ANTXR1: variants seen among roughly 807,000 people sequenced by gnomAD.
ANTXR1 encodes the protein anthrax toxin receptor 1.
Under a neutral mutation model 78.1 loss-of-function variants are expected in ANTXR1, and 19 were observed. The observed-to-expected ratio is 0.24, with a 90% CI of 0.17 to 0.36. The LOEUF (loss-of-function observed/expected upper bound fraction) is 0.36. Among genes scored for constraint, ANTXR1 ranks in the 10% least tolerant of loss-of-function variants. ANTXR1 has a pLI of 1.00. For synonymous variants in ANTXR1, 273 were observed against 260.5 expected, an observed-to-expected ratio of 1.05 and a Z score of -0.46; for missense variants, 518 against 718.6, an observed-to-expected ratio of 0.72 and a Z score of 3.19.
At chr2:69,145,199 T>G (rs750108939) in intron 12 of ANTXR1, 2 of 910,296 alleles carry the variant, frequency 2.2e-6, no homozygotes, top group Non-Finnish European at 3.4e-6. Context: ...GAGGCAGAGT[T>G]ACGGGGGGCT....
intron 17 of ANTXR1, 40 bp downstream of exon 17, chr2:69,193,455 T>TCA: frequency 2.0e-5 from 25 of 1,270,502 alleles, no homozygotes; most frequent in Middle Eastern, 1.9e-4. Flanking sequence ...TCTCTCTCTC[T>TCA]CTCTCACATA....
At chr2:69,153,956 G>T (rs1673463537) in intron 13 of ANTXR1, among the ~76,000 whole-genome samples, 1 of 152,086 alleles carries the variant, frequency 6.6e-6, no homozygotes, top group Admixed American at 6.5e-5. Flanking sequence ...ATCGTTAGAT[G>T]GTGAAGACTA....
chr2:69,161,865 G>T (rs191966149), intron 13 of ANTXR1, among the ~76,000 whole-genome samples: 2 of 152,110 alleles, frequency 1.3e-5, no homozygotes, highest in Non-Finnish European at 2.9e-5. Context: ...AAAAGGCCAG[G>T]GGGGCAGCAG....
At chr2:69,155,259 T>C (rs1345469649) in intron 13 of ANTXR1, among the ~76,000 whole-genome samples, 2 of 152,222 alleles carry the variant, frequency 1.3e-5, no homozygotes, top group Non-Finnish European at 2.9e-5. Context: ...CTTTAGTGTT[T>C]CCCAGCTTGT....
chr2:69,150,162 C>T lies in ANTXR1; in HGVS notation c.952-2007C>T, dbSNP rs563590507. On this transcript the variant is annotated intron_variant, in intron 12 of 17. Transcript: ENST00000303714. ...AGTAAGAGCTGCCTTTAAACAGCTTCCAGCAGCCCCTGCTGAGCACTCAGA... is the reference window on the plus strand; with the variant it reads ...AGTAAGAGCTGCCTTTAAACAGCTTTCAGCAGCCCCTGCTGAGCACTCAGA... Among the ~76,000 whole-genome samples the T allele has an allele frequency of 1.8e-3, 278 of 152,304 alleles. 2 individuals are homozygous for T. The highest frequency in any genetic ancestry group is 6.4e-3 in the African/African-American group (267 of 41,566).
intron 3 of ANTXR1, among the ~76,000 whole-genome samples, chr2:69,067,526 C>T (rs1443611138): frequency 2.0e-5 from 3 of 150,868 alleles, no homozygotes; most frequent in Non-Finnish European, 4.4e-5. Flanking sequence ...CCCAAATGTC[C>T]CAGACTTCAC....
chr2:69,079,266 C>CAAG (rs1670829186), intron 8 of ANTXR1, among the ~76,000 whole-genome samples: 1 of 152,084 alleles, frequency 6.6e-6, no homozygotes, highest in Non-Finnish European at 1.5e-5. Flanking sequence ...GTGTAAGCAA[C>CAAG]AAGAACTACA....
intron 17 of ANTXR1, among the ~76,000 whole-genome samples, chr2:69,206,829 C>A (rs1674916970): frequency 2.0e-5 from 3 of 152,248 alleles, no homozygotes; most frequent in Non-Finnish European, 2.9e-5. Context: ...AGATCCACTG[C>A]TGGTGGGCCT....
intron 13 of ANTXR1, among the ~76,000 whole-genome samples, chr2:69,159,845 T>C (rs181526459): frequency 6.6e-6 from 1 of 152,352 alleles, no homozygotes; most frequent in East Asian, 1.9e-4. Context: ...ATAAGCCCAC[T>C]GGACATCTCC....
intron 1 of ANTXR1, among the ~76,000 whole-genome samples, chr2:69,025,543 A>G (rs988327361): frequency 6.6e-6 from 1 of 152,250 alleles, no homozygotes; most frequent in African/African-American, 2.4e-5. Context: ...TCAGAATCAT[A>G]GTCAGCCTAC....
intron 1 of ANTXR1, among the ~76,000 whole-genome samples, chr2:69,018,210 A>C (rs1671081850): frequency 6.6e-6 from 1 of 152,106 alleles, no homozygotes; most frequent in South Asian, 2.1e-4. Context: ...GGCCCCCCAC[A>C]GGCTCACCAT....
intron 16 of ANTXR1, among the ~76,000 whole-genome samples, chr2:69,188,169 G>A (rs1004992629): frequency 1.3e-5 from 2 of 151,928 alleles, no homozygotes; most frequent in African/African-American, 4.8e-5. Context: ...GTGCAGTGGT[G>A]CGATCATATA....
intron 1 of ANTXR1, among the ~76,000 whole-genome samples, chr2:69,017,316 G>C (rs77629784): frequency 0.085 from 12,931 of 152,132 alleles, 927 homozygotes; most frequent in East Asian, 0.23. Context: ...AAAAAATGCT[G>C]ACTCATTTTT....
chr2:69,030,032 T>G (rs1016818017), intron 1 of ANTXR1, among the ~76,000 whole-genome samples: 2 of 152,226 alleles, frequency 1.3e-5, no homozygotes, highest in Admixed American at 6.5e-5. Context: ...ACTCCTCTTT[T>G]CTTCCAAGTC....
At chr2:69,138,319 A>G (rs34716040) in intron 12 of ANTXR1, among the ~76,000 whole-genome samples, 11,720 of 152,260 alleles carry the variant, frequency 0.077, 696 homozygotes, top group East Asian at 0.34. Context: ...GAGCTAAGTT[A>G]TCTGAGAATG....
chr2:69,205,795 C>T (rs1674884430), intron 17 of ANTXR1, among the ~76,000 whole-genome samples: 1 of 152,094 alleles, frequency 6.6e-6, no homozygotes, highest in Non-Finnish European at 1.5e-5. Flanking sequence ...TTCACAAGGT[C>T]TTCTAGGGAC....
At chr2:69,076,940 T>C (rs1670750752) in intron 7 of ANTXR1, among the ~76,000 whole-genome samples, 1 of 152,140 alleles carries the variant, frequency 6.6e-6, no homozygotes, top group Admixed American at 6.5e-5. Flanking sequence ...GCCCTTTCCT[T>C]AATGGGCAGT....
intron 3 of ANTXR1, among the ~76,000 whole-genome samples, chr2:69,055,659 G>A (rs73934661): frequency 0.063 from 9,554 of 152,100 alleles, 455 homozygotes; most frequent in African/African-American, 0.13. Flanking sequence ...TTAAAAATGT[G>A]CATGCATGTG....
intron 16 of ANTXR1, among the ~76,000 whole-genome samples, chr2:69,186,677 G>A (rs938462674): frequency 6.6e-5 from 10 of 152,334 alleles, no homozygotes; most frequent in African/African-American, 1.9e-4. Context: ...GAGACTACTC[G>A]ACAGGAACTG....
Sources: gnomAD v4.1 joint callset for allele counts (sites outside exome capture counted in the v4.1 genomes callset) on GRCh38, gnomAD v4.1.1 for gene constraint, MANE v1.5 for transcripts, NCBI Gene and HGNC (gene_info 2026-07-23, HGNC 2026-07-21) for gene names.